Variants in ATL2 observed in about 807,000 individuals in gnomAD.
ATL2 encodes the protein atlastin GTPase 2.
In ATL2, 31 loss-of-function variants were observed where a neutral mutation model predicts 73.9. The observed-to-expected ratio is 0.42, with a 90% confidence interval of 0.32 to 0.57. The LOEUF (loss-of-function observed/expected upper bound fraction) is 0.57, where lower values mean the gene tolerates loss of function less well. Ranked by LOEUF, ATL2 falls within the 20% of genes least tolerant of loss-of-function variation. The pLI is 0.14. For missense variants in ATL2, 738 were observed against 702.6 expected (o/e 1.05, Z -0.57); for synonymous variants, 291 against 237.5 (o/e 1.23, Z -2.07).
At chr2:38,356,645 CCAACAAAGTTTT>C (rs1429256664) in intron 1 of ATL2, among the ~76,000 whole-genome samples, 2 of 152,134 alleles carry the variant, frequency 1.3e-5, no homozygotes, top group Non-Finnish European at 2.9e-5. Flanking sequence ...AAAAGTTGTT[CCAACAAAGTTTT>C]CCAGTATAAC....
At chr2:38,347,764 TACC>T (rs1199725659) in intron 1 of ATL2, among the ~76,000 whole-genome samples, 27 of 148,256 alleles carry the variant, frequency 1.8e-4, no homozygotes, top group African/African-American at 5.1e-4. Flanking sequence ...CATCTGCCCT[TACC>T]TTTTTTTTTT....
chr2:38,377,199 C>T lies in ATL2; in HGVS notation c.62G>A (p.Arg21Gln), dbSNP rs574246150. 2.8e-5 allele frequency: 45 copies of T among 1,610,058 alleles called. No homozygotes were observed. The South Asian group carries it at 4.6e-4, about 17-fold the overall frequency. ...QQPHQGLWRR[R>Q]RTSDPSAAVN... ...CGCGGCGCTTGGGTCGCTGGTCCGT[C>T]GCCGGCGCCACAGCCCCTGGTGCGG... is the stretch of plus-strand genomic sequence containing the variant. Residue 21 changes from arginine to glutamine, a missense_variant, in exon 1 of 13, where the codon CGA becomes CAA. By Grantham distance (43) the Arg-to-Gln change is conservative (BLOSUM62 1). Coordinates refer to ENST00000378954, the MANE Select transcript of ATL2 (RefSeq NM_001135673.4).
intron 1 of ATL2, among the ~76,000 whole-genome samples, chr2:38,360,081 G>T (rs916935692): frequency 7.1e-6 from 1 of 140,756 alleles, no homozygotes; most frequent in Non-Finnish European, 1.5e-5. Flanking sequence ...AGTGAGATGA[G>T]ATCGTCGTCC....
intron 9 of ATL2, among the ~76,000 whole-genome samples, chr2:38,307,390 G>A (rs981121905): frequency 1.4e-5 from 2 of 147,072 alleles, no homozygotes; most frequent in African/African-American, 5.1e-5. Context: ...TTGCTCTGTC[G>A]CCCAGGCTGA....
chr2:38,305,668 T>A (rs1037966062), intron 9 of ATL2, among the ~76,000 whole-genome samples: 3 of 151,998 alleles, frequency 2.0e-5, no homozygotes, highest in African/African-American at 7.2e-5. Context: ...ATTAATACAA[T>A]AGGCTCTTGA....
chr2:38,314,339 G>C (rs370479898), intron 6 of ATL2, among the ~76,000 whole-genome samples: 1 of 152,010 alleles, frequency 6.6e-6, no homozygotes. Context: ...ATTGTCTTAA[G>C]TTTAGAATAA....
intron 1 of ATL2, chr2:38,375,973 A>G (rs1405048439): frequency 1.9e-6 from 2 of 1,041,158 alleles, no homozygotes; most frequent in Admixed American, 3.4e-5. Flanking sequence ...CTTTCCTATT[A>G]AAGTGAGTCC....
chr2:38,376,309 A>AG, intron 1 of ATL2: 1 of 1,283,580 alleles, frequency 7.8e-7, no homozygotes, highest in East Asian at 2.6e-5. Flanking sequence ...TGCGTCTTCG[A>AG]GGGGGCAGGG....
intron 8 of ATL2, among the ~76,000 whole-genome samples, 177 bp downstream of exon 8, chr2:38,310,132 C>G (rs565753803): frequency 6.6e-6 from 1 of 152,274 alleles, no homozygotes; most frequent in Non-Finnish European, 1.5e-5. Context: ...TAGACAGCTG[C>G]AAACAAATCA....
chr2:38,338,540 G>GAACA (rs1669509732), intron 2 of ATL2, among the ~76,000 whole-genome samples: 2 of 151,436 alleles, frequency 1.3e-5, no homozygotes, highest in African/African-American at 2.4e-5. Context: ...AGGATGGAAT[G>GAACA]AATAAATAAA....
At position 38,318,971 on chromosome 2, in the gene ATL2, T is replaced by A; in HGVS notation, c.412A>T (p.Thr138Ser). 6.2e-7 allele frequency: 1 copy of A among 1,614,064 alleles called. No individual in the cohort carries two copies. Among genetic ancestry groups the A allele is most frequent in the Non-Finnish European group, 8.5e-7 (1 of 1,179,940 alleles). ...TCTCTTTCACAGCCACCTCGCCATG[T>A]AAAGCCTGTCAATGGTTCATTGTTT... The part of the protein sequence containing the change: ...GGNNEPLTGF[T>S]WRGGCERETT... The change falls in exon 3 of 13, where the codon ACA becomes TCA. Residue 138 changes from threonine to serine, a missense_variant. By Grantham distance (58) the Thr-to-Ser change is moderately conservative. Transcript: ENST00000378954.
chr2:38,337,944 C>T (rs1461511177), intron 2 of ATL2, among the ~76,000 whole-genome samples: 2 of 152,130 alleles, frequency 1.3e-5, no homozygotes, highest in African/African-American at 4.8e-5. Context: ...ATATCGTAAG[C>T]ACTGTGTTTA....
chr2:38,343,252 T>G lies in ATL2; in HGVS notation c.363+16A>C. ...TTTTTTCTTTTTAATTGGGTTCAAT[T>G]TAAAAGACTATTCACCTTGTTATAC... is the stretch of plus-strand genomic sequence containing the variant. On this transcript the variant is annotated intron_variant, in intron 2 of 12. Transcript: ENST00000378954. 1 of 1,567,108 alleles carries G rather than the reference T, an allele frequency of 6.4e-7. No homozygotes were observed. The highest frequency in any genetic ancestry group is 8.6e-7 in the Non-Finnish European group (1 of 1,165,082).
chr2:38,342,767 G>C (rs1669796372), intron 2 of ATL2, among the ~76,000 whole-genome samples: 2 of 152,082 alleles, frequency 1.3e-5, no homozygotes, highest in Admixed American at 1.3e-4. Context: ...GACAACTTGG[G>C]TTAGAGCCAC....
In ATL2 at chr2:38,314,599, C is replaced by T. The variant is rs776068598; in HGVS notation, c.711+9G>A. The T allele has an allele frequency of 3.1e-6, 5 of 1,589,290 alleles. No individual in the cohort carries two copies. The Admixed American group carries it at 8.4e-5, about 27-fold the overall frequency. ...GCTAATCTTTAAAATGTTAGAATAA[C>T]TTTTTTACCTGAAATGGTTTCTGGT... On this transcript the variant is annotated intron_variant, in intron 6 of 12. Coordinates refer to ENST00000378954, the MANE Select transcript of ATL2 (RefSeq NM_001135673.4).
intron 1 of ATL2, among the ~76,000 whole-genome samples, chr2:38,358,892 T>C (rs927577550): frequency 6.6e-6 from 1 of 152,100 alleles, no homozygotes. Flanking sequence ...GACACAAACT[T>C]GGACTTCGAT....
At chr2:38,377,408 CCG>C (rs1672057962), upstream of ATL2, 16 of 627,480 alleles carry the variant, frequency 2.5e-5, no homozygotes, top group Non-Finnish European at 4.0e-5. Context: ...TCCTCGCCCT[CCG>C]CCTGTATCTC....
At chr2:38,369,218 G>A (rs973543713) in intron 1 of ATL2, among the ~76,000 whole-genome samples, 8 of 152,066 alleles carry the variant, frequency 5.3e-5, no homozygotes, top group African/African-American at 1.7e-4. Context: ...GGGAGGCCAA[G>A]GTGGGTGGAT....
chr2:38,377,052 A>ACC, intron 1 of ATL2, 91 bp downstream of exon 1: 1 of 1,267,432 alleles, frequency 7.9e-7, no homozygotes, highest in African/African-American at 1.6e-5. Flanking sequence ...GCGGACTCCG[A>ACC]CCCCGCCGCC....
Sources: gnomAD v4.1 joint callset for allele counts (sites outside exome capture counted in the v4.1 genomes callset) on GRCh38, gnomAD v4.1.1 for gene constraint, MANE v1.5 for transcripts, NCBI Gene and HGNC (gene_info 2026-07-23, HGNC 2026-07-21) for gene names.